C10orf90: variants seen among roughly 807,000 people sequenced by gnomAD.
C10orf90 encodes chromosome 10 open reading frame 90.
A neutral mutation model predicts 62.5 loss-of-function variants in C10orf90; 56 were observed. The observed-to-expected ratio is 0.90, with a 90% CI of 0.72 to 1.12. The LOEUF (loss-of-function observed/expected upper bound fraction) is 1.12. Among genes scored for constraint, C10orf90 ranks in the 50% most tolerant of loss-of-function variants. C10orf90 has a pLI of 0.00. For synonymous variants in C10orf90, 386 were observed against 340.4 expected, an observed-to-expected ratio of 1.13 and a Z score of -1.47; for missense variants, 970 against 880.4, an observed-to-expected ratio of 1.10 and a Z score of -1.29.
intron 2 of C10orf90, among the ~76,000 whole-genome samples, chr10:126,535,700 G>T (rs1288895745): frequency 6.6e-6 from 1 of 152,102 alleles, no homozygotes; most frequent in Admixed American, 6.5e-5. Context: ...GGAGAAAAAT[G>T]GCCGTTTCTT....
At chr10:126,572,756 C>T (rs1844532525) in intron 2 of C10orf90, among the ~76,000 whole-genome samples, 1 of 152,052 alleles carries the variant, frequency 6.6e-6, no homozygotes, top group Admixed American at 6.5e-5. Context: ...TAAGTTTCAG[C>T]CTCATTTTAC....
intron 4 of C10orf90, among the ~76,000 whole-genome samples, chr10:126,486,784 A>G (rs1429507698): frequency 1.3e-5 from 2 of 152,174 alleles, no homozygotes; most frequent in Admixed American, 6.5e-5. Flanking sequence ...TGAAAGCATC[A>G]TAGAAAGTCA....
At chr10:126,567,006 C>T (rs1427741398) in intron 2 of C10orf90, among the ~76,000 whole-genome samples, 1 of 152,126 alleles carries the variant, frequency 6.6e-6, no homozygotes, top group Non-Finnish European at 1.5e-5. Context: ...GCGTATTACC[C>T]ACCAAAGGTG....
chr10:126,576,710 T>TAC (rs1564879112), intron 2 of C10orf90, among the ~76,000 whole-genome samples: 3 of 34,128 alleles, frequency 8.8e-5, no homozygotes, highest in African/African-American at 4.5e-4. Flanking sequence ...TATATGTATA[T>TAC]ATATACAAGA....
chr10:126,650,816 C>G (rs1846277486), intron 1 of C10orf90, among the ~76,000 whole-genome samples: 1 of 152,114 alleles, frequency 6.6e-6, no homozygotes, highest in Non-Finnish European at 1.5e-5. Context: ...ACCTAAGTGT[C>G]CAAGAACAAG....
chr10:126,472,566 C>T (rs2133772174), intron 4 of C10orf90, among the ~76,000 whole-genome samples: 1 of 152,244 alleles, frequency 6.6e-6, no homozygotes, highest in South Asian at 2.1e-4. Context: ...TGATGGTTCT[C>T]CTTTCCTGGC....
chr10:126,601,542 TGACCTCAAACAA>T (rs1170857668), intron 2 of C10orf90, among the ~76,000 whole-genome samples: 1 of 152,226 alleles, frequency 6.6e-6, no homozygotes, highest in African/African-American at 2.4e-5. Context: ...TATATGAACT[TGACCTCAAACAA>T]GCCATATTTC....
chr10:126,602,389 AC>A (rs1845214582), intron 2 of C10orf90, among the ~76,000 whole-genome samples: 1 of 152,206 alleles, frequency 6.6e-6, no homozygotes, highest in Non-Finnish European at 1.5e-5. Flanking sequence ...TCATGCCTAT[AC>A]AGTGAGGTAG....
intron 2 of C10orf90, among the ~76,000 whole-genome samples, chr10:126,522,152 A>C (rs4962570): frequency 0.89 from 135,079 of 152,242 alleles, 60,104 homozygotes; most frequent in African/African-American, 0.96. Flanking sequence ...CCTGTAATCC[A>C]AGCTACTTGG....
At chr10:126,590,214 G>A (rs1844952149) in intron 2 of C10orf90, among the ~76,000 whole-genome samples, 1 of 152,120 alleles carries the variant, frequency 6.6e-6, no homozygotes, top group African/African-American at 2.4e-5. Flanking sequence ...CCTACAAAGA[G>A]ACTTAGACTC....
intron 2 of C10orf90, among the ~76,000 whole-genome samples, chr10:126,570,062 T>G (rs1347130264): frequency 6.6e-6 from 1 of 152,182 alleles, no homozygotes; most frequent in Non-Finnish European, 1.5e-5. Flanking sequence ...CTTTAAAAAT[T>G]AAATAAAGCA....
chr10:126,620,248 A>T (rs796604322), intron 2 of C10orf90, among the ~76,000 whole-genome samples: 1 of 152,110 alleles, frequency 6.6e-6, no homozygotes, highest in Non-Finnish European at 1.5e-5. Context: ...TAGCTTTTAC[A>T]TTTAAGTCAG....
intron 2 of C10orf90, among the ~76,000 whole-genome samples, chr10:126,558,491 G>A (rs1328267088): frequency 6.6e-6 from 1 of 152,188 alleles, no homozygotes; most frequent in Non-Finnish European, 1.5e-5. Context: ...GGCGGGCTGT[G>A]CACCCCCTCA....
chr10:126,459,613 G>C (rs1451506192), intron 6 of C10orf90, among the ~76,000 whole-genome samples: 1 of 152,202 alleles, frequency 6.6e-6, no homozygotes, highest in Non-Finnish European at 1.5e-5. Context: ...GAGGTGCTGA[G>C]TCACTTGCTT....
rs1198630028 is a variant in C10orf90, at chr10:126,456,187, A to G, written c.2188+2853T>C. Among the ~76,000 whole-genome samples, 1 of 152,268 alleles carries G rather than the reference A, an allele frequency of 6.6e-6. No individual in the cohort carries two copies. Among genetic ancestry groups the G allele is most frequent in the Non-Finnish European group, 1.5e-5 (1 of 68,048 alleles). On this transcript the variant is annotated intron_variant, in intron 7 of 9. Coordinates refer to ENST00000488181, the MANE Select transcript of C10orf90 (RefSeq NM_001350921.2). The surrounding 1 kb of genome is among the most constrained non-coding windows in gnomAD (Gnocchi z 4.9). ...CAGACAGGCTGAAGACAAGATGTGT[A>G]CTGCAGACTTGTTTAATAGGGCCTT...
chr10:126,642,557 T>C (rs1336183025), intron 2 of C10orf90, among the ~76,000 whole-genome samples: 1 of 151,994 alleles, frequency 6.6e-6, no homozygotes, highest in Non-Finnish European at 1.5e-5. Context: ...AACCCTGATG[T>C]CTGCTCTGTG....
At chr10:126,442,186 A>C (rs1858377231) in intron 7 of C10orf90, among the ~76,000 whole-genome samples, 2 of 151,878 alleles carry the variant, frequency 1.3e-5, no homozygotes, top group Admixed American at 1.3e-4. Flanking sequence ...GGACTCACAT[A>C]AACTTAAACT....
At chr10:126,543,769 A>C (rs1864428853) in intron 2 of C10orf90, among the ~76,000 whole-genome samples, 3 of 152,244 alleles carry the variant, frequency 2.0e-5, no homozygotes, top group Admixed American at 2.0e-4. Flanking sequence ...AAGAAAGATC[A>C]GTTTTCATTA....
At chr10:126,648,486 T>C (rs1387313268) in intron 1 of C10orf90, among the ~76,000 whole-genome samples, 1 of 152,262 alleles carries the variant, frequency 6.6e-6, no homozygotes, top group Non-Finnish European at 1.5e-5. Context: ...AGTATCATTA[T>C]TTGGCTATTT....
Sources: allele counts gnomAD v4.1 joint callset (sites outside exome capture counted in the v4.1 genomes callset), GRCh38; gene constraint gnomAD v4.1.1; non-coding constraint Gnocchi (gnomAD v3.1); transcripts MANE v1.5; gene names NCBI Gene and HGNC (gene_info 2026-07-23, HGNC 2026-07-21).